Variants in MEGF10 observed in about 807,000 individuals in gnomAD.
MEGF10 encodes the protein multiple epidermal growth factor-like domains protein 10.
MEGF10 carries 86 observed loss-of-function variants against 147.5 expected under a neutral mutation model. That is an observed-to-expected ratio of 0.58 (90% CI 0.49 to 0.70). The LOEUF (loss-of-function observed/expected upper bound fraction) is 0.70. Among genes scored for constraint, MEGF10 ranks in the 30% least tolerant of loss-of-function variants. The probability of loss-of-function intolerance (pLI) is 0.00; values close to 1 mark genes in which losing one functional copy is unlikely to be tolerated. For missense variants in MEGF10, 1,329 were observed against 1,487.3 expected, an observed-to-expected ratio of 0.89 and a Z score of 1.75; for synonymous variants, 478 against 525.5, an observed-to-expected ratio of 0.91 and a Z score of 1.24.
chr5:127,435,348 A>T lies in MEGF10; in HGVS notation c.1976-13A>T. The stretch of plus-strand genomic sequence containing the variant: ...TTTTGATTGTGAGTTACTGACCTAT[A>T]GCTTATTCACAGTGTGTCCCAGTGG... On this transcript the variant is annotated splice_polypyrimidine_tract_variant and intron_variant, in intron 15 of 24. Coordinates refer to ENST00000503335, the MANE Select transcript of MEGF10 (RefSeq NM_001256545.2). 4 of 1,613,640 alleles carry T rather than the reference A, an allele frequency of 2.5e-6. No individual in the cohort carries two copies. The highest frequency in any genetic ancestry group is 3.4e-6 in the Non-Finnish European group (4 of 1,179,746).
chr5:127,402,491 GT>G, intron 7 of MEGF10, 54 bp from the exon 8 acceptor site: 1 of 1,573,172 alleles, frequency 6.4e-7, no homozygotes. Flanking sequence ...TCATCCATCA[GT>G]TGTCTTTCCC....
intron 9 of MEGF10, among the ~76,000 whole-genome samples, 176 bp downstream of exon 9, chr5:127,410,777 G>A (rs1764528683): frequency 6.6e-6 from 1 of 152,220 alleles, no homozygotes; most frequent in Admixed American, 6.5e-5. Context: ...AATGTGTGAT[G>A]GTCTACATTT....
chr5:127,410,386 T>C lies in MEGF10; in HGVS notation c.918-3T>C. The C allele has an allele frequency of 6.2e-7, 1 of 1,613,978 alleles. No homozygotes were observed. Among genetic ancestry groups the C allele is most frequent in the Non-Finnish European group, 8.5e-7 (1 of 1,179,812 alleles). On this transcript the variant is annotated splice_polypyrimidine_tract_variant and splice_region_variant and intron_variant, in intron 8 of 24. Coordinates refer to ENST00000503335, the MANE Select transcript of MEGF10 (RefSeq NM_001256545.2). ...CTTCTTGCTCCTGCCTCTTGCTTGG[T>C]AGGTGCCAGGATGAGTGTCCTGTTG...
intron 5 of MEGF10, among the ~76,000 whole-genome samples, chr5:127,396,164 A>G (rs554206154): frequency 1.3e-5 from 2 of 152,290 alleles, no homozygotes; most frequent in East Asian, 1.9e-4. Context: ...TGAGCTGATC[A>G]TTCCCGTCTG....
chr5:127,455,403 C>T lies in MEGF10; in HGVS notation c.3028C>T (p.Leu1010=), dbSNP rs751854604. The change falls in exon 24 of 25, where the codon CTG becomes TTG. Residue 1010 remains leucine (L), a splice_region_variant and synonymous_variant. Transcript: ENST00000503335. The stretch of plus-strand genomic sequence containing the variant: ...TCTCTTCTCATTTCTCTTCACAGAC[C>T]TGGGAAAGAATTCTGAATATAATTC... The part of the protein sequence containing the change: ...RSYMGKSLKD[L]GKNSEYNSSN... 6.2e-7 allele frequency: 1 copy of T among 1,613,436 alleles called. No homozygotes were observed. Among genetic ancestry groups the T allele is most frequent in the South Asian group, 1.1e-5 (1 of 90,972 alleles).
the MEGF10 span, among the ~76,000 whole-genome samples, chr5:127,238,695 A>G: frequency 6.6e-6 from 1 of 152,132 alleles, no homozygotes; most frequent in East Asian, 1.9e-4. Flanking sequence ...ACTTACTAAT[A>G]TCTTCTAATT....
chr5:127,241,275 G>A, the MEGF10 span, among the ~76,000 whole-genome samples: 1 of 152,188 alleles, frequency 6.6e-6, no homozygotes, highest in African/African-American at 2.4e-5. Flanking sequence ...GAAAGCAAAG[G>A]TGGAGGTTGG....
chr5:127,382,937 T>C (rs192871797), intron 5 of MEGF10, among the ~76,000 whole-genome samples: 1 of 152,286 alleles, frequency 6.6e-6, no homozygotes, highest in Non-Finnish European at 1.5e-5. Flanking sequence ...AGTCTGGCAA[T>C]GGTTAAAAAG....
chr5:127,424,325 T>C (rs1280073619), intron 13 of MEGF10: 2 of 705,418 alleles, frequency 2.8e-6, no homozygotes, highest in African/African-American at 3.5e-5. Flanking sequence ...TTTAAATTGG[T>C]TTTTCTTTTT....
Position 127,382,348 on chromosome 5 carries a change from T to C in MEGF10, c.412+12346T>C, listed in dbSNP as rs1385438624. On this transcript the variant is annotated intron_variant, in intron 5 of 24. Transcript: ENST00000503335. ...CTTGGTCCATAAATAAATGGTGTCA[T>C]CTTAAAATTCTGTGAAAACCAAATG... Among the ~76,000 whole-genome samples, 3 of 152,184 alleles carry C rather than the reference T, an allele frequency of 2.0e-5. No homozygotes were observed. In the East Asian group the frequency reaches 5.8e-4, roughly 29 times the overall value.
the MEGF10 span, among the ~76,000 whole-genome samples, chr5:127,255,100 T>C: frequency 6.6e-6 from 1 of 151,832 alleles, no homozygotes; most frequent in Non-Finnish European, 1.5e-5. Flanking sequence ...TGGAAGACAG[T>C]CTTTATGTAC....
At chr5:127,422,896 G>A (rs1765072482) in intron 13 of MEGF10, 124 bp downstream of exon 13, 1 of 719,504 alleles carries the variant, frequency 1.4e-6, no homozygotes, top group Non-Finnish European at 2.4e-6. Context: ...ATTCGATAAG[G>A]TTTCCAGTAA....
intron 8 of MEGF10, among the ~76,000 whole-genome samples, chr5:127,403,693 T>C (rs1764216176): frequency 6.6e-6 from 1 of 152,126 alleles, no homozygotes; most frequent in Non-Finnish European, 1.5e-5. Flanking sequence ...GAACATGTGA[T>C]GTTTGTCTTT....
the MEGF10 span, among the ~76,000 whole-genome samples, chr5:127,264,105 A>T: frequency 6.6e-6 from 1 of 152,176 alleles, no homozygotes; most frequent in Admixed American, 6.5e-5. Flanking sequence ...TTTTCAATTT[A>T]GGCCCAGATG....
At chr5:127,291,664 G>C (rs992644178) in intron 1 of MEGF10, among the ~76,000 whole-genome samples, 7 of 152,060 alleles carry the variant, frequency 4.6e-5, no homozygotes, top group Admixed American at 3.3e-4. Flanking sequence ...TGGGAGGGAC[G>C]GTTTTTCAAG....
intron 19 of MEGF10, among the ~76,000 whole-genome samples, chr5:127,443,706 G>T (rs1765839482): frequency 6.6e-6 from 1 of 152,098 alleles, no homozygotes; most frequent in Non-Finnish European, 1.5e-5. Context: ...TTTGGGTCTG[G>T]CTTTGTTTAC....
Position 127,369,948 on chromosome 5 carries a change from G to A in MEGF10, c.358G>A (p.Ala120Thr). ...TAAATGTGTCCATGGTCGCTGTATTGCTCCAAACACCTGTCAGTGTGAGCC... is the reference window on the plus strand; with the variant it reads ...TAAATGTGTCCATGGTCGCTGTATTACTCCAAACACCTGTCAGTGTGAGCC... The part of the protein sequence containing the change: ...ADKCVHGRCI[A>T]PNTCQCEPGW... The change falls in exon 5 of 25, where the codon GCT becomes ACT. Residue 120 changes from alanine (A) to threonine (T), a missense_variant. Physicochemically the swap from Ala to Thr is moderately conservative, Grantham distance 58. Transcript: ENST00000503335. The A allele has an allele frequency of 6.2e-7, 1 of 1,612,524 alleles. No homozygotes were observed. The highest frequency in any genetic ancestry group is 1.7e-5 in the Admixed American group (1 of 59,912).
At chr5:127,375,741 C>T (rs1763000427) in intron 5 of MEGF10, among the ~76,000 whole-genome samples, 1 of 152,172 alleles carries the variant, frequency 6.6e-6, no homozygotes, top group Non-Finnish European at 1.5e-5. Context: ...TCCTGGAGGG[C>T]AAAGGCCATA....
upstream of MEGF10, among the ~76,000 whole-genome samples, chr5:127,287,319 G>T (rs553913037): frequency 1.3e-5 from 2 of 152,056 alleles, no homozygotes; most frequent in Admixed American, 6.5e-5. Flanking sequence ...AATAAAAGAA[G>T]CAGAGCATGT....
Sources: allele counts gnomAD v4.1 joint callset (sites outside exome capture counted in the v4.1 genomes callset), GRCh38; gene constraint gnomAD v4.1.1; transcripts MANE v1.5; gene names NCBI Gene and HGNC (gene_info 2026-07-23, HGNC 2026-07-21).